The following MYO18B variants were observed in gnomAD, a reference collection of about 807,000 sequenced individuals.
MYO18B encodes the protein myosin XVIIIB.
MYO18B carries 204 observed loss-of-function variants against 273.0 expected under a neutral mutation model. The ratio of observed to expected loss-of-function variants is 0.75; its 90% CI spans 0.67 to 0.84. The LOEUF (loss-of-function observed/expected upper bound fraction) is 0.84, where lower values mean the gene tolerates loss of function less well. Ranked by LOEUF, MYO18B falls within the 40% of genes least tolerant of loss-of-function variation. The pLI, the probability that MYO18B is intolerant of heterozygous loss-of-function variation, is 0.00. For synonymous variants in MYO18B, 1,330 were observed against 1,305.7 expected (o/e 1.02, Z -0.40); for missense variants, 3,212 against 3,287.6 (o/e 0.98, Z 0.56).
At chr22:26,007,445 C>T (rs1256881047) in intron 42 of MYO18B, among the ~76,000 whole-genome samples, 1 of 152,192 alleles carries the variant, frequency 6.6e-6, no homozygotes, top group Non-Finnish European at 1.5e-5. Flanking sequence ...AGCTCTCTGA[C>T]ATTCATCCAG....
At chr22:25,921,181 G>A in intron 33 of MYO18B, 76 bp from the exon 34 acceptor site, 1 of 1,438,680 alleles carries the variant, frequency 7.0e-7, no homozygotes, top group Non-Finnish European at 9.3e-7. Context: ...TTAAACCAGG[G>A]AACCTGATTC....
chr22:26,058,711 C>T, the MYO18B span, among the ~76,000 whole-genome samples: 1 of 152,192 alleles, frequency 6.6e-6, no homozygotes, highest in African/African-American at 2.4e-5. Context: ...CTGCCTCTCT[C>T]TCTTTCTTCC....
At chr22:25,902,124 C>T (rs2091950028) in intron 29 of MYO18B, among the ~76,000 whole-genome samples, 1 of 152,172 alleles carries the variant, frequency 6.6e-6, no homozygotes, top group African/African-American at 2.4e-5. Context: ...AGGCGTGAGC[C>T]ACCATGCCTG....
At chr22:26,029,934 G>A (rs970221533) in intron 43 of MYO18B, among the ~76,000 whole-genome samples, 2 of 152,146 alleles carry the variant, frequency 1.3e-5, no homozygotes, top group Non-Finnish European at 2.9e-5. Context: ...GGAATTTTTG[G>A]ACCTTTGGGA....
intron 7 of MYO18B, among the ~76,000 whole-genome samples, chr22:25,776,448 A>T (rs2086916757): frequency 6.6e-6 from 1 of 152,222 alleles, no homozygotes; most frequent in East Asian, 1.9e-4. Context: ...AAATACAAAA[A>T]TTAGCCAGGC....
chr22:25,774,215 C>T (rs1568999263), intron 7 of MYO18B, among the ~76,000 whole-genome samples: 1 of 152,166 alleles, frequency 6.6e-6, no homozygotes, highest in Non-Finnish European at 1.5e-5. Context: ...TGACCCACAC[C>T]ACACCTTCAG....
At chr22:25,782,036 C>T (rs1025702559) in intron 10 of MYO18B, among the ~76,000 whole-genome samples, 9 of 152,326 alleles carry the variant, frequency 5.9e-5, no homozygotes, top group South Asian at 2.1e-4. Context: ...CACCCTGAGC[C>T]GCGGTTTCTT....
intron 33 of MYO18B, among the ~76,000 whole-genome samples, chr22:25,913,838 C>CT (rs2092208649): frequency 6.6e-6 from 1 of 152,176 alleles, no homozygotes; most frequent in East Asian, 1.9e-4. Flanking sequence ...ATGTCCTTAG[C>CT]TTAATAAAAA....
chr22:25,838,160 A>T (rs79058340), intron 17 of MYO18B, among the ~76,000 whole-genome samples: 4 of 149,856 alleles, frequency 2.7e-5, no homozygotes, highest in Non-Finnish European at 5.9e-5. Flanking sequence ...CACACACACA[A>T]ATATATATAT....
At chr22:25,965,943 G>T (rs1440371355) in intron 39 of MYO18B, among the ~76,000 whole-genome samples, 1 of 152,130 alleles carries the variant, frequency 6.6e-6, no homozygotes, top group African/African-American at 2.4e-5. Flanking sequence ...GGAGTGAAAG[G>T]CTCTTAATCA....
At chr22:25,832,383 G>T (rs9620562) in intron 15 of MYO18B, among the ~76,000 whole-genome samples, 2 of 151,874 alleles carry the variant, frequency 1.3e-5, no homozygotes, top group East Asian at 3.9e-4. Context: ...CGATGGACAA[G>T]CAAAATGAGA....
At chr22:25,850,591 T>C (rs2090396899) in intron 20 of MYO18B, among the ~76,000 whole-genome samples, 1 of 152,188 alleles carries the variant, frequency 6.6e-6, no homozygotes, top group African/African-American at 2.4e-5. Flanking sequence ...TTTTTTTTCT[T>C]TTTTGGGACA....
At chr22:26,028,122 G>T (rs535172919) in intron 43 of MYO18B, among the ~76,000 whole-genome samples, 4 of 152,142 alleles carry the variant, frequency 2.6e-5, no homozygotes, top group African/African-American at 9.6e-5. Flanking sequence ...ACGGGCGCCT[G>T]TAATCCCAGC....
the MYO18B span, among the ~76,000 whole-genome samples, chr22:26,045,614 T>C: frequency 6.6e-6 from 1 of 152,198 alleles, no homozygotes; most frequent in Non-Finnish European, 1.5e-5. Context: ...GTTAAGTCAT[T>C]ATCCGAGGGC....
intron 15 of MYO18B, among the ~76,000 whole-genome samples, chr22:25,829,314 A>G (rs930167873): frequency 6.8e-6 from 1 of 147,394 alleles, no homozygotes; most frequent in African/African-American, 2.6e-5. Context: ...GCATCTGCCC[A>G]GGGGGGGAAT....
chr22:25,902,487 T>G, intron 29 of MYO18B, 126 bp from the exon 30 acceptor site: 4 of 1,085,120 alleles, frequency 3.7e-6, no homozygotes, highest in Non-Finnish European at 5.1e-6. Context: ...CTCTTCTTCC[T>G]TTTGCTCTCT....
At chr22:26,009,390 G>A (rs1934699427) in intron 42 of MYO18B, among the ~76,000 whole-genome samples, 1 of 152,108 alleles carries the variant, frequency 6.6e-6, no homozygotes. Context: ...AACAGCTGAG[G>A]TCCTCCCCAT....
intron 19 of MYO18B, 115 bp downstream of exon 19, chr22:25,846,398 G>T: frequency 8.5e-7 from 1 of 1,178,166 alleles, no homozygotes; most frequent in South Asian, 1.5e-5. Flanking sequence ...GGCCAGAGGG[G>T]CGAGTGTCAC....
At chr22:25,789,753 C>G (rs9608423) in intron 11 of MYO18B, among the ~76,000 whole-genome samples, 140,157 of 152,164 alleles carry the variant, frequency 0.92, 65,221 homozygotes, top group Non-Finnish European at 0.99. Context: ...AAACAAGCGC[C>G]ATTCACCTCA....
Sources: allele counts gnomAD v4.1 joint callset (sites outside exome capture counted in the v4.1 genomes callset), GRCh38; gene constraint gnomAD v4.1.1; transcripts MANE v1.5; gene names NCBI Gene and HGNC (gene_info 2026-07-23, HGNC 2026-07-21).